Variants in ZNF804A observed in about 807,000 individuals in gnomAD.
ZNF804A encodes the protein zinc finger protein 804A.
Under a neutral mutation model 16.5 loss-of-function variants are expected in ZNF804A, and 2 were observed. That is an observed-to-expected ratio of 0.12 (90% CI 0.05 to 0.38). The LOEUF is 0.38. Among genes scored for constraint, ZNF804A ranks in the 10% least tolerant of loss-of-function variants. ZNF804A has a pLI of 0.99. For missense variants in ZNF804A, 1,473 were observed against 1,390.7 expected (o/e 1.06, Z -0.94); for synonymous variants, 534 against 489.6 (o/e 1.09, Z -1.20).
intron 1 of ZNF804A, among the ~76,000 whole-genome samples, chr2:184,669,650 T>G (rs1692310827): frequency 6.6e-6 from 1 of 152,058 alleles, no homozygotes; most frequent in Non-Finnish European, 1.5e-5. Context: ...ATAAGAAAAC[T>G]ATTTTCAAAT....
chr2:184,753,634 T>C (rs1693910064), intron 1 of ZNF804A, among the ~76,000 whole-genome samples: 1 of 151,796 alleles, frequency 6.6e-6, no homozygotes, highest in South Asian at 2.1e-4. Flanking sequence ...AGTAAAAATG[T>C]GTTGTGGATT....
intron 1 of ZNF804A, among the ~76,000 whole-genome samples, chr2:184,670,489 C>T (rs1483382616): frequency 6.6e-6 from 1 of 151,970 alleles, no homozygotes; most frequent in Non-Finnish European, 1.5e-5. Context: ...TCTCTATATT[C>T]TGGGAGATAT....
intron 1 of ZNF804A, among the ~76,000 whole-genome samples, chr2:184,637,430 C>A (rs150634870): frequency 4.0e-4 from 61 of 152,240 alleles, no homozygotes; most frequent in African/African-American, 1.5e-3. Flanking sequence ...ATATTTAAGT[C>A]TTTTCCATAT....
chr2:184,892,681 G>T (rs1332975025), intron 2 of ZNF804A, among the ~76,000 whole-genome samples: 3 of 151,684 alleles, frequency 2.0e-5, no homozygotes, highest in Non-Finnish European at 4.4e-5. Flanking sequence ...ACAGGGTTTC[G>T]CCTGTTGGCC....
At chr2:184,900,484 G>T (rs553129677) in intron 2 of ZNF804A, among the ~76,000 whole-genome samples, 1 of 152,218 alleles carries the variant, frequency 6.6e-6, no homozygotes, top group South Asian at 2.1e-4. Flanking sequence ...ATACAATTTG[G>T]CAGGGGAATA....
chr2:184,640,718 A>C (rs1279970548), intron 1 of ZNF804A, among the ~76,000 whole-genome samples: 3 of 152,214 alleles, frequency 2.0e-5, no homozygotes, highest in Non-Finnish European at 4.4e-5. Context: ...TTATATTAGA[A>C]TAAAAGATAA....
intron 1 of ZNF804A, among the ~76,000 whole-genome samples, chr2:184,688,708 A>ATGAACAATTAAAG (rs1469957173): frequency 1.3e-5 from 2 of 152,116 alleles, no homozygotes; most frequent in East Asian, 3.9e-4. Flanking sequence ...GAAAAGTATT[A>ATGAACAATTAAAG]TGAACAATTA....
intron 1 of ZNF804A, among the ~76,000 whole-genome samples, chr2:184,743,876 A>G (rs1296593717): frequency 6.6e-6 from 1 of 152,010 alleles, no homozygotes; most frequent in Non-Finnish European, 1.5e-5. Flanking sequence ...CAAAACAGAC[A>G]TGAAGTATAA....
chr2:184,902,035 A>G (rs1480108402), intron 2 of ZNF804A: 1 of 152,106 alleles, frequency 6.6e-6, no homozygotes, highest in Non-Finnish European at 1.5e-5. Context: ...AGCTCATACA[A>G]GTTTTGTCAT....
rs773431036 is a variant in ZNF804A, at chr2:184,598,924, AGCGGCGGCT to A, written c.-28_-20del. On this transcript the variant is annotated 5_prime_UTR_variant, in exon 1 of 4. Transcript: ENST00000302277. The stretch of plus-strand genomic sequence containing the variant: ...CGGCTGTGGGCGCGGGGTGCGTGGA[AGCGGCGGCT>A]GCGGCGGAGGAGGCGGCGGCTGCCC... The A allele has an allele frequency of 7.0e-7, 1 of 1,438,016 alleles. No individual in the cohort carries two copies. The highest frequency in any genetic ancestry group is 9.5e-7 in the Non-Finnish European group (1 of 1,054,962). The allele number at this position is 1,438,016 out of a possible 1,614,324, so 89.1% of individuals were successfully genotyped here. A position where few individuals can be genotyped will look rare whatever the true frequency, so the allele number is the denominator to read the frequency against.
chr2:184,750,085 T>C (rs1693856321), intron 1 of ZNF804A, among the ~76,000 whole-genome samples: 1 of 151,404 alleles, frequency 6.6e-6, no homozygotes, highest in Admixed American at 6.6e-5. Flanking sequence ...TATATATGTG[T>C]TGTTCTTTCT....
chr2:184,610,661 CA>C (rs1691221895), intron 1 of ZNF804A, among the ~76,000 whole-genome samples: 1 of 152,020 alleles, frequency 6.6e-6, no homozygotes, highest in Non-Finnish European at 1.5e-5. Context: ...TTACCTCCTT[CA>C]AAAGGTTATG....
At chr2:184,932,403 G>A (rs2105841936) in intron 2 of ZNF804A, among the ~76,000 whole-genome samples, 1 of 152,288 alleles carries the variant, frequency 6.6e-6, no homozygotes, top group Non-Finnish European at 1.5e-5. Flanking sequence ...GAGGAGCAAA[G>A]TCACGTCTTA....
At chr2:184,763,630 CTTTTTTTTTTTTTTTT>C (rs1188087789) in intron 1 of ZNF804A, among the ~76,000 whole-genome samples, 111 of 21,288 alleles carry the variant, frequency 5.2e-3, no homozygotes, top group Admixed American at 0.024. Context: ...CTTCAAAGTG[CTTTTTTTTTTTTTTTT>C]TTTTTTTTTT....
intron 1 of ZNF804A, among the ~76,000 whole-genome samples, chr2:184,777,556 G>T (rs745620919): frequency 1.4e-5 from 2 of 147,112 alleles, no homozygotes; most frequent in African/African-American, 2.7e-5. Flanking sequence ...AAAAAATGCT[G>T]TCTACATTTT....
intron 2 of ZNF804A, among the ~76,000 whole-genome samples, chr2:184,886,281 G>A (rs1261004639): frequency 6.6e-6 from 1 of 152,244 alleles, no homozygotes; most frequent in East Asian, 1.9e-4. Context: ...TCACGCTGAT[G>A]CAAAAGGTTG....
chr2:184,880,891 A>G (rs993988489), intron 2 of ZNF804A, among the ~76,000 whole-genome samples: 4 of 152,112 alleles, frequency 2.6e-5, no homozygotes, highest in Non-Finnish European at 5.9e-5. Context: ...TAAAGGTCTC[A>G]TCTTTAAATA....
At chr2:184,795,950 CTT>C in intron 1 of ZNF804A, among the ~76,000 whole-genome samples, 1 of 148,342 alleles carries the variant, frequency 6.7e-6, no homozygotes, top group Non-Finnish European at 1.5e-5. Flanking sequence ...ATGTCGAATG[CTT>C]TTTTTTTACA....
chr2:184,908,782 C>T (rs1046346330), intron 2 of ZNF804A, among the ~76,000 whole-genome samples: 7 of 152,064 alleles, frequency 4.6e-5, no homozygotes, highest in African/African-American at 1.7e-4. Flanking sequence ...ACAATTTCTT[C>T]ATGGTTTTAC....
Sources: allele counts gnomAD v4.1 joint callset (sites outside exome capture counted in the v4.1 genomes callset), GRCh38; gene constraint gnomAD v4.1.1; transcripts MANE v1.5; gene names NCBI Gene and HGNC (gene_info 2026-07-23, HGNC 2026-07-21).